SH3D19: variants seen among roughly 807,000 people sequenced by gnomAD.
The protein encoded by SH3D19 is SH3 domain containing 19, also known as SH3 domain-containing protein 19.
SH3D19 carries 58 observed loss-of-function variants against 112.1 expected under a neutral mutation model. That is an observed-to-expected ratio of 0.52 (90% CI 0.42 to 0.64). SH3D19 has a LOEUF of 0.64. SH3D19 is among the 30% of genes least tolerant of loss of function. SH3D19 has a pLI of 0.00. For missense variants in SH3D19, 1,090 were observed against 1,263.4 expected, an observed-to-expected ratio of 0.86 and a Z score of 2.08; for synonymous variants, 391 against 448.5, an observed-to-expected ratio of 0.87 and a Z score of 1.62.
At chr4:151,179,128 C>G (rs747196181) in intron 4 of SH3D19, among the ~76,000 whole-genome samples, 17 of 152,158 alleles carry the variant, frequency 1.1e-4, no homozygotes, top group Admixed American at 2.6e-4. Flanking sequence ...AAAAAATCAA[C>G]TTCAATAAAT....
At chr4:151,191,057 A>C (rs1762541722) in intron 2 of SH3D19, among the ~76,000 whole-genome samples, 1 of 152,164 alleles carries the variant, frequency 6.6e-6, no homozygotes, top group Non-Finnish European at 1.5e-5. Context: ...GCGTCAAAGT[A>C]GATCGTTTTG....
intron 1 of SH3D19, among the ~76,000 whole-genome samples, chr4:151,257,297 A>G (rs1410534958): frequency 6.6e-6 from 1 of 152,116 alleles, no homozygotes; most frequent in Non-Finnish European, 1.5e-5. Context: ...TATGTTGGCC[A>G]GGCTAGTCTC....
intron 1 of SH3D19, among the ~76,000 whole-genome samples, chr4:151,249,612 G>A (rs6535780): frequency 0.33 from 49,840 of 151,794 alleles, 9,493 homozygotes; most frequent in Non-Finnish European, 0.44. Context: ...TCTGAAACCA[G>A]TATCTCATAA....
At chr4:151,129,961 A>G (rs1750267127) in intron 17 of SH3D19, among the ~76,000 whole-genome samples, 2 of 152,216 alleles carry the variant, frequency 1.3e-5, no homozygotes, top group Non-Finnish European at 2.9e-5. Flanking sequence ...GGAACTTATC[A>G]TTCTCCAAAA....
chr4:151,286,908 A>G (rs1774844587), intron 1 of SH3D19, among the ~76,000 whole-genome samples: 2 of 151,636 alleles, frequency 1.3e-5, no homozygotes, highest in Non-Finnish European at 2.9e-5. Flanking sequence ...TGAATCTGGG[A>G]GGTAGAGGTT....
chr4:151,298,181 A>ATTTTTT (rs386401883), intron 1 of SH3D19, among the ~76,000 whole-genome samples: 73 of 94,894 alleles, frequency 7.7e-4, no homozygotes, highest in African/African-American at 1.8e-3. Context: ...AGAATAATAA[A>ATTTTTT]TTTTTTTTTT....
intron 17 of SH3D19, among the ~76,000 whole-genome samples, chr4:151,131,790 T>C (rs1461681302): frequency 1.3e-5 from 2 of 151,776 alleles, no homozygotes; most frequent in Non-Finnish European, 2.9e-5. Flanking sequence ...GCACAGCCTC[T>C]TTTATGAATT....
intron 10 of SH3D19, 59 bp from the exon 11 acceptor site, chr4:151,148,245 G>A (rs1414790416): frequency 4.2e-6 from 6 of 1,431,356 alleles, no homozygotes; most frequent in Non-Finnish European, 3.7e-6. Flanking sequence ...ATTCTGTCCT[G>A]TCCTGTCTTA....
chr4:151,317,096 A>G (rs1730062773), intron 1 of SH3D19, among the ~76,000 whole-genome samples: 1 of 152,186 alleles, frequency 6.6e-6, no homozygotes. Context: ...AAGTTATGCT[A>G]GACAACTTAT....
chr4:151,124,736 T>A (rs551623568), intron 19 of SH3D19, among the ~76,000 whole-genome samples: 38 of 151,790 alleles, frequency 2.5e-4, no homozygotes, highest in African/African-American at 8.4e-4. Context: ...AAAAAAAAAA[T>A]TAGTTTTATC....
chr4:151,283,618 A>G (rs751304135), intron 1 of SH3D19, among the ~76,000 whole-genome samples: 1 of 151,014 alleles, frequency 6.6e-6, no homozygotes, highest in East Asian at 2.0e-4. Flanking sequence ...CCTGGGTTCA[A>G]TCAGTCATCC....
chr4:151,291,478 C>G (rs1561437101), intron 1 of SH3D19: 1 of 1,444,930 alleles, frequency 6.9e-7, no homozygotes. Flanking sequence ...ACTGCTAACC[C>G]TGGGTGACTT....
At chr4:151,174,546 C>A in intron 7 of SH3D19, 124 bp downstream of exon 7, 1 of 757,668 alleles carries the variant, frequency 1.3e-6, no homozygotes, top group Non-Finnish European at 2.0e-6. Context: ...CACACACATG[C>A]ATGTGCACAT....
At chr4:151,206,898 G>T (rs529707094) in intron 2 of SH3D19, among the ~76,000 whole-genome samples, 2 of 152,192 alleles carry the variant, frequency 1.3e-5, no homozygotes, top group South Asian at 4.1e-4. Context: ...GTCTTCTCTT[G>T]AACTCCCTGC....
At chr4:151,294,238 G>A (rs1775550479) in intron 1 of SH3D19, among the ~76,000 whole-genome samples, 1 of 152,190 alleles carries the variant, frequency 6.6e-6, no homozygotes, top group South Asian at 2.1e-4. Context: ...ACTGTACTGT[G>A]AGAACCTGGA....
At chr4:151,284,887 A>G (rs1774593404) in intron 1 of SH3D19, among the ~76,000 whole-genome samples, 1 of 152,142 alleles carries the variant, frequency 6.6e-6, no homozygotes, top group Admixed American at 6.5e-5. Context: ...TTCAGGGTGT[A>G]TTCAGAAATT....
At chr4:151,140,153 A>T in intron 12 of SH3D19, 1 of 262,766 alleles carries the variant, frequency 3.8e-6, no homozygotes, top group Non-Finnish European at 7.3e-6. Context: ...AACAGTATCT[A>T]TTCTACCCCA....
At chr4:151,228,192 T>A (rs1417688562) in intron 1 of SH3D19, among the ~76,000 whole-genome samples, 1 of 152,186 alleles carries the variant, frequency 6.6e-6, no homozygotes, top group Non-Finnish European at 1.5e-5. Flanking sequence ...AATTTTAAAA[T>A]TTTCCCCCCA....
At chr4:151,282,077 G>A in intron 1 of SH3D19, 1 of 1,517,130 alleles carries the variant, frequency 6.6e-7, no homozygotes, top group Non-Finnish European at 9.0e-7. Context: ...TAGAGACTTA[G>A]TGCTACATAT....
Sources: gnomAD v4.1 joint callset for allele counts (sites outside exome capture counted in the v4.1 genomes callset) on GRCh38, gnomAD v4.1.1 for gene constraint, MANE v1.5 for transcripts, NCBI Gene and HGNC (gene_info 2026-07-23, HGNC 2026-07-21) for gene names.